JMJD1C: variants seen among roughly 807,000 people sequenced by gnomAD.
JMJD1C encodes jumonji domain containing 1C.
In JMJD1C, 31 loss-of-function variants were observed where a neutral mutation model predicts 245.3. The observed-to-expected ratio is 0.13, with a 90% CI of 0.09 to 0.17. The LOEUF (loss-of-function observed/expected upper bound fraction) is 0.17. Ranked by LOEUF, JMJD1C falls within the 10% of genes least tolerant of loss-of-function variation. The pLI is 1.00. For missense variants in JMJD1C, 2,691 were observed against 3,000.2 expected (o/e 0.90, Z 2.41); for synonymous variants, 1,057 against 1,017.4 (o/e 1.04, Z -0.74).
intron 1 of JMJD1C, among the ~76,000 whole-genome samples, chr10:63,426,176 A>G (rs1169548061): frequency 6.6e-6 from 1 of 151,374 alleles, no homozygotes; most frequent in Non-Finnish European, 1.5e-5. Flanking sequence ...GAGGTTTGAG[A>G]CCAGCCTGGG....
intron 3 of JMJD1C, among the ~76,000 whole-genome samples, chr10:63,241,616 TCA>T (rs1041038343): frequency 1.3e-5 from 2 of 152,204 alleles, no homozygotes; most frequent in African/African-American, 2.4e-5. Context: ...CTACTAATTT[TCA>T]CATAGTATGT....
At chr10:63,353,614 C>T (rs1237596495) in intron 2 of JMJD1C, among the ~76,000 whole-genome samples, 1 of 151,818 alleles carries the variant, frequency 6.6e-6, no homozygotes, top group Non-Finnish European at 1.5e-5. Flanking sequence ...CTCCCAAGTT[C>T]AAGTGATTCT....
intron 8 of JMJD1C, among the ~76,000 whole-genome samples, chr10:63,211,451 G>A (rs1383047294): frequency 1.4e-5 from 2 of 138,064 alleles, no homozygotes; most frequent in East Asian, 2.1e-4. Flanking sequence ...GGCAACAGAG[G>A]GAGACTCCAT....
At chr10:63,257,972 T>C (rs758814333) in intron 3 of JMJD1C, among the ~76,000 whole-genome samples, 5 of 152,122 alleles carry the variant, frequency 3.3e-5, no homozygotes, top group South Asian at 2.1e-4. Flanking sequence ...GTAAGAAAGA[T>C]TGTTAGAAGT....
Position 63,208,767 on chromosome 10 carries a change from G to C in JMJD1C, c.2902C>G (p.Arg968Gly). 1 of 1,592,998 alleles carries C rather than the reference G, an allele frequency of 6.3e-7. No homozygotes were observed. The highest frequency in any genetic ancestry group is 8.5e-7 in the Non-Finnish European group (1 of 1,173,586). Residue 968 changes from arginine (R) to glycine (G), a missense_variant, in exon 10 of 26, where the codon CGG becomes GGG. Physicochemically the swap from Arg to Gly is moderately radical, Grantham distance 125. Coordinates refer to ENST00000399262, the MANE Select transcript of JMJD1C (RefSeq NM_032776.3). ...TTGGCTGATGTGGATGCAACAGACCGTAATGGTTCCATAAAAGCTTTTCTT... is the reference window on the plus strand; with the variant it reads ...TTGGCTGATGTGGATGCAACAGACCCTAATGGTTCCATAAAAGCTTTTCTT... ...LERKAFMEPL[R>G]SVASTSAKND...
chr10:63,209,006 A>C (rs893632113), intron 9 of JMJD1C, 57 bp downstream of exon 9: 1 of 1,434,240 alleles, frequency 7.0e-7, no homozygotes, highest in African/African-American at 1.4e-5. Context: ...TTTAAAAGGC[A>C]AATTAAGAAA....
chr10:63,436,678 T>C (rs923476211), intron 1 of JMJD1C, among the ~76,000 whole-genome samples: 8 of 152,232 alleles, frequency 5.3e-5, no homozygotes, highest in African/African-American at 1.9e-4. Context: ...TTCTCATTTC[T>C]TTGATTTCCT....
In JMJD1C at chr10:63,479,162, CTTT is replaced by C. The variant is rs147481865; in HGVS notation, n.113+42573_113+42575del. 7.3e-3 allele frequency among the ~76,000 whole-genome samples: 1,112 copies of C among 151,736 alleles called. 12 individuals carry two copies. Among genetic ancestry groups the C allele is most frequent in the African/African-American group, 0.025 (1,038 of 41,374 alleles). ...TTTACGTATTATATAATTTTTTCAGCTTTTTGTTTCAAAAATTTTCAAACTTAA... is the reference window on the plus strand; with the variant it reads ...TTTACGTATTATATAATTTTTTCAGCTTGTTTCAAAAATTTTCAAACTTAA... On this transcript the variant is annotated intron_variant and non_coding_transcript_variant, in intron 1 of 3. Transcript: ENST00000633035.
chr10:63,444,265 C>CTATTTATT (rs541550958), intron 1 of JMJD1C, among the ~76,000 whole-genome samples: 3 of 151,904 alleles, frequency 2.0e-5, no homozygotes, highest in Non-Finnish European at 2.9e-5. Flanking sequence ...TAGGACATTT[C>CTATTTATT]TATTTATTTA....
At chr10:63,455,984 G>C (rs1952385305) in intron 1 of JMJD1C, among the ~76,000 whole-genome samples, 1 of 151,870 alleles carries the variant, frequency 6.6e-6, no homozygotes. Context: ...TTTTTTCCTT[G>C]TTATACTTAG....
chr10:63,288,498 T>C (rs1046146705), intron 2 of JMJD1C, among the ~76,000 whole-genome samples: 2 of 152,234 alleles, frequency 1.3e-5, no homozygotes, highest in African/African-American at 4.8e-5. Flanking sequence ...TCAACTCATT[T>C]GGGTAAACAC....
intron 2 of JMJD1C, among the ~76,000 whole-genome samples, chr10:63,378,622 A>C (rs1034590195): frequency 2.0e-5 from 3 of 152,148 alleles, no homozygotes; most frequent in African/African-American, 7.2e-5. Context: ...ATTTTTCTAA[A>C]GCTTTATTAA....
chr10:63,377,445 T>C (rs1175221520), intron 2 of JMJD1C, among the ~76,000 whole-genome samples: 1 of 152,150 alleles, frequency 6.6e-6, no homozygotes, highest in Non-Finnish European at 1.5e-5. Context: ...TTAAAAAATT[T>C]AGCAGAGGGC....
At chr10:63,305,449 ACGCTCTGACCCTCTCTCT>A (rs1937963867) in intron 2 of JMJD1C, among the ~76,000 whole-genome samples, 1 of 115,630 alleles carries the variant, frequency 8.6e-6, no homozygotes, top group African/African-American at 3.6e-5. Context: ...ACATGGCAAG[ACGCTCTGACCCTCTCTCT>A]CTCTCTCTCT....
intron 3 of JMJD1C, among the ~76,000 whole-genome samples, chr10:63,235,558 C>T (rs1240867609): frequency 2.6e-5 from 4 of 152,054 alleles, no homozygotes; most frequent in Non-Finnish European, 4.4e-5. Flanking sequence ...AGTCAATTCC[C>T]TATTATTCAG....
At chr10:63,300,488 C>T (rs771250510) in intron 2 of JMJD1C, among the ~76,000 whole-genome samples, 3 of 152,046 alleles carry the variant, frequency 2.0e-5, no homozygotes, top group Non-Finnish European at 2.9e-5. Context: ...TTTTTTTATT[C>T]GAACCATCTC....
intron 1 of JMJD1C, among the ~76,000 whole-genome samples, chr10:63,514,446 A>G (rs906536600): frequency 6.6e-6 from 1 of 152,238 alleles, no homozygotes; most frequent in Admixed American, 6.5e-5. Context: ...CTATGCAGAC[A>G]TAACAAAGAA....
chr10:63,214,776 G>T lies in JMJD1C; in HGVS notation c.1391C>A (p.Ser464Ter). Residue 464 changes from serine to a stop codon, truncating the protein, a stop_gained, in exon 8 of 26, where the codon TCG (serine) becomes TAG (stop). Coordinates refer to ENST00000399262, the MANE Select transcript of JMJD1C (RefSeq NM_032776.3). LOFTEE classifies it high-confidence loss of function. ...ATCAGAAACTGTGGACTGTTCTGAC[G>T]AATGAATAATCATATCTTCTTGAAG... is the stretch of plus-strand genomic sequence containing the variant. ...TQLQEDMIIH[S>*]SEQSTVSDHN... 1 of 1,613,350 alleles carries T rather than the reference G, an allele frequency of 6.2e-7. No homozygotes were observed.
At chr10:63,364,722 A>G (rs184148623) in intron 2 of JMJD1C, among the ~76,000 whole-genome samples, 1 of 152,148 alleles carries the variant, frequency 6.6e-6, no homozygotes, top group Admixed American at 6.5e-5. Context: ...CTTGGACTCA[A>G]GTGATTTGCC....
Sources: allele counts gnomAD v4.1 joint callset (sites outside exome capture counted in the v4.1 genomes callset), GRCh38; gene constraint gnomAD v4.1.1; transcripts MANE v1.5; gene names NCBI Gene and HGNC (gene_info 2026-07-23, HGNC 2026-07-21).